Variants in ADK observed in about 807,000 individuals in gnomAD.
The protein encoded by ADK is adenosine kinase, also known as N6,N6-dimethyladenosine kinase.
Under a neutral mutation model 44.7 loss-of-function variants are expected in ADK, and 24 were observed. That is an observed-to-expected ratio of 0.54 (90% CI 0.39 to 0.76). ADK has a LOEUF of 0.76. Ranked by LOEUF, ADK falls within the 30% of genes least tolerant of loss-of-function variation. The probability of loss-of-function intolerance (pLI) is 0.00; values close to 1 mark genes in which losing one functional copy is unlikely to be tolerated. For missense variants in ADK, 321 were observed against 425.1 expected, an observed-to-expected ratio of 0.76 and a Z score of 2.15; for synonymous variants, 128 against 142.6, an observed-to-expected ratio of 0.90 and a Z score of 0.73.
chr10:74,316,099 G>A (rs1312814189), intron 4 of ADK, among the ~76,000 whole-genome samples: 3 of 152,082 alleles, frequency 2.0e-5, no homozygotes, highest in Non-Finnish European at 4.4e-5. Flanking sequence ...AATTAGCCAG[G>A]TGTGGTGGCA....
chr10:74,459,002 A>G (rs979619385), intron 6 of ADK, among the ~76,000 whole-genome samples: 2 of 152,202 alleles, frequency 1.3e-5, no homozygotes, highest in Non-Finnish European at 2.9e-5. Context: ...AATTTTGGCC[A>G]GGCACGGTGA....
At chr10:74,628,800 G>A (rs1250208320) in intron 9 of ADK, among the ~76,000 whole-genome samples, 1 of 152,036 alleles carries the variant, frequency 6.6e-6, no homozygotes, top group Non-Finnish European at 1.5e-5. Context: ...AGGTTGTCAG[G>A]AACTGGCAAG....
At position 74,608,418 on chromosome 10, in the gene ADK, T is replaced by A. The variant is rs551253192; in HGVS notation, c.877+7925T>A. On this transcript the variant is annotated intron_variant, in intron 9 of 10. Coordinates refer to ENST00000539909, the MANE Select transcript of ADK (RefSeq NM_006721.4). ...TGGTGACCTTCGGATGGGGTTTTTG[T>A]GTGGACATCCTTTTTGTTGATGTTG... is the stretch of plus-strand genomic sequence containing the variant. Among the ~76,000 whole-genome samples, 16 of 152,244 alleles carry A rather than the reference T, an allele frequency of 1.1e-4. No homozygotes were observed. In the South Asian group the frequency reaches 3.3e-3, roughly 32 times the overall value.
At chr10:74,180,754 G>C (rs1044724284) in intron 1 of ADK, among the ~76,000 whole-genome samples, 1 of 151,976 alleles carries the variant, frequency 6.6e-6, no homozygotes, top group African/African-American at 2.4e-5. Flanking sequence ...AACCGTGCCC[G>C]GCTGGCCATG....
intron 6 of ADK, among the ~76,000 whole-genome samples, chr10:74,458,216 C>T (rs1053055664): frequency 7.0e-6 from 1 of 142,044 alleles, no homozygotes; most frequent in Non-Finnish European, 1.5e-5. Flanking sequence ...ACTGTGGCCT[C>T]AGCCTCACAG....
intron 4 of ADK, among the ~76,000 whole-genome samples, chr10:74,350,836 G>T (rs1841938867): frequency 6.6e-6 from 1 of 152,072 alleles, no homozygotes; most frequent in South Asian, 2.1e-4. Context: ...TACATTCCTG[G>T]ATACATTCCT....
intron 3 of ADK, among the ~76,000 whole-genome samples, chr10:74,288,950 A>G (rs571527602): frequency 6.6e-6 from 1 of 152,340 alleles, no homozygotes; most frequent in South Asian, 2.1e-4. Context: ...ATAAAACTGT[A>G]TTGCAGCTGA....
Position 74,533,360 on chromosome 10 carries a change from A to T in ADK, c.726+7934A>T, listed in dbSNP as rs533633514. Reference sequence around the variant, plus strand: ...CAACGTGGATTTTAAAAACCAAATCAGAAGACCTTTACATGATTTGAAGAC... The same window carrying T: ...CAACGTGGATTTTAAAAACCAAATCTGAAGACCTTTACATGATTTGAAGAC... On this transcript the variant is annotated intron_variant, in intron 7 of 10. Coordinates refer to ENST00000539909, the MANE Select transcript of ADK (RefSeq NM_006721.4). Among the ~76,000 whole-genome samples the T allele has an allele frequency of 2.0e-5, 3 of 152,358 alleles. No homozygotes were observed. In the South Asian group the frequency reaches 6.2e-4, roughly 32 times the overall value.
intron 5 of ADK, among the ~76,000 whole-genome samples, chr10:74,395,943 G>A (rs1326255753): frequency 6.6e-6 from 1 of 152,160 alleles, no homozygotes; most frequent in Admixed American, 6.5e-5. Flanking sequence ...CCTAGGAGGT[G>A]GAGGTTGCAG....
intron 6 of ADK, chr10:74,423,718 A>G: frequency 2.2e-6 from 1 of 447,354 alleles, no homozygotes; most frequent in East Asian, 6.8e-5. Context: ...CTGCCTCTCT[A>G]GCTCCTTCAC....
At chr10:74,347,692 A>T (rs1459522582) in intron 4 of ADK, among the ~76,000 whole-genome samples, 1 of 152,152 alleles carries the variant, frequency 6.6e-6, no homozygotes, top group Non-Finnish European at 1.5e-5. Context: ...CTGCCAGCAC[A>T]ACAGTCTGAA....
intron 10 of ADK, among the ~76,000 whole-genome samples, chr10:74,702,773 AT>A (rs2131789987): frequency 6.6e-6 from 1 of 151,582 alleles, no homozygotes; most frequent in Admixed American, 6.6e-5. Flanking sequence ...AAATTTTTGT[AT>A]TTTTAGTAGA....
intron 1 of ADK, among the ~76,000 whole-genome samples, chr10:74,152,059 C>T (rs1354512490): frequency 6.6e-6 from 1 of 152,206 alleles, no homozygotes; most frequent in Non-Finnish European, 1.5e-5. Flanking sequence ...GTGAAGCAGG[C>T]AGTCTTTGAT....
intron 10 of ADK, among the ~76,000 whole-genome samples, chr10:74,696,121 A>C (rs1856190625): frequency 1.3e-5 from 2 of 151,802 alleles, no homozygotes; most frequent in African/African-American, 4.8e-5. Flanking sequence ...CCCGGATTCA[A>C]GCAATTCTCA....
chr10:74,416,504 T>G (rs565266172), intron 6 of ADK, among the ~76,000 whole-genome samples: 1 of 152,032 alleles, frequency 6.6e-6, no homozygotes, highest in Admixed American at 6.5e-5. Context: ...TTTTAAAAAT[T>G]TATTTATCTT....
intron 10 of ADK, among the ~76,000 whole-genome samples, chr10:74,670,684 G>A (rs1855136663): frequency 6.6e-6 from 1 of 151,984 alleles, no homozygotes; most frequent in Non-Finnish European, 1.5e-5. Context: ...ATAATCCTTT[G>A]GTTAAAACAT....
intron 6 of ADK, among the ~76,000 whole-genome samples, chr10:74,447,208 AGG>A (rs752542953): frequency 6.6e-6 from 1 of 152,158 alleles, no homozygotes; most frequent in Admixed American, 6.5e-5. Context: ...AATGAGACCA[AGG>A]GGCTTACATA....
chr10:74,157,340 G>C (rs1841776376), intron 1 of ADK, among the ~76,000 whole-genome samples: 1 of 151,566 alleles, frequency 6.6e-6, no homozygotes, highest in African/African-American at 2.4e-5. Context: ...TGGAAATATG[G>C]GTAATTTCAA....
intron 4 of ADK, among the ~76,000 whole-genome samples, chr10:74,358,020 G>T (rs1044338324): frequency 1.3e-5 from 2 of 152,236 alleles, no homozygotes; most frequent in Admixed American, 1.3e-4. Flanking sequence ...GGAAAGAAAT[G>T]CTTCTAGAAT....
Sources: allele counts gnomAD v4.1 joint callset (sites outside exome capture counted in the v4.1 genomes callset), GRCh38; gene constraint gnomAD v4.1.1; transcripts MANE v1.5; gene names NCBI Gene and HGNC (gene_info 2026-07-23, HGNC 2026-07-21).